Variants in ATG4A observed in about 807,000 individuals in gnomAD.
ATG4A encodes the protein cysteine protease ATG4A.
ATG4A carries 22 observed loss-of-function variants against 38.4 expected under a neutral mutation model. The observed-to-expected ratio is 0.57, with a 90% confidence interval of 0.41 to 0.82. ATG4A has a LOEUF of 0.82. Among genes scored for constraint, ATG4A ranks in the 40% least tolerant of loss-of-function variants. The pLI is 0.00. For missense variants in ATG4A, 220 were observed against 290.0 expected, an observed-to-expected ratio of 0.76 and a Z score of 1.75; for synonymous variants, 86 against 100.7, an observed-to-expected ratio of 0.85 and a Z score of 0.88.
At chrX:108,138,575 G>T (rs993463842) in intron 9 of ATG4A, among the ~76,000 whole-genome samples, 3 of 111,944 alleles carry the variant, frequency 2.7e-5, no homozygotes, top group Non-Finnish European at 5.6e-5. Context: ...ATTGTTCAGA[G>T]CTGTGACAGG....
At position 108,151,795 on chromosome X, in the gene ATG4A, C is replaced by T; in HGVS notation, c.961-7C>T. The stretch of plus-strand genomic sequence containing the variant: ...TTCTAAGTTGTGTTCTTTTGCTTTC[C>T]CCCAAGGGATTTTTCTGCAAAGAAG... On this transcript the variant is annotated splice_polypyrimidine_tract_variant and splice_region_variant and intron_variant, in intron 10 of 12. Coordinates refer to ENST00000372232, the MANE Select transcript of ATG4A (RefSeq NM_052936.5). 8.3e-7 allele frequency: 1 copy of T among 1,207,035 alleles called. No individual in the cohort carries two copies. The highest frequency in any genetic ancestry group is 1.1e-6 in the Non-Finnish European group (1 of 892,022).
chrX:108,146,055 C>A (rs773513394), intron 9 of ATG4A, among the ~76,000 whole-genome samples: 28 of 111,828 alleles, frequency 2.5e-4, no homozygotes, highest in Non-Finnish European at 1.1e-4. Flanking sequence ...TGCACAGTTA[C>A]CCTGCTAAAA....
chrX:108,134,958 G>A (rs1456176269), intron 6 of ATG4A, among the ~76,000 whole-genome samples: 1 of 112,060 alleles, frequency 8.9e-6, no homozygotes, highest in Non-Finnish European at 1.9e-5. Context: ...CTTGGAATCA[G>A]TTTGTCATCT....
chrX:108,113,660 C>A lies in ATG4A; in HGVS notation c.11-12417C>A, dbSNP rs779403730. Among the ~76,000 whole-genome samples the A allele has an allele frequency of 5.4e-5, 6 of 111,143 alleles. No homozygotes were observed. In the South Asian group the frequency reaches 1.6e-3, roughly 29 times the overall value. On this transcript the variant is annotated intron_variant, in intron 1 of 12. Transcript: ENST00000372232. Reference sequence around the variant, plus strand: ...TATAGTTCCACATGGCTGGGGAGGTCTCAGAATCATGGCAGGAGGCAAAAG... The same window carrying A: ...TATAGTTCCACATGGCTGGGGAGGTATCAGAATCATGGCAGGAGGCAAAAG...
At chrX:108,090,270 G>A (rs990985918), upstream of ATG4A, among the ~76,000 whole-genome samples, 1 of 111,804 alleles carries the variant, frequency 8.9e-6, no homozygotes, top group Non-Finnish European at 1.9e-5. Flanking sequence ...TCTCCCAAAT[G>A]TCTTTTTGCA....
At chrX:108,113,379 C>T (rs754122097) in intron 1 of ATG4A, among the ~76,000 whole-genome samples, 2 of 111,310 alleles carry the variant, frequency 1.8e-5, no homozygotes, top group Admixed American at 1.9e-4. Flanking sequence ...AAGACACTGT[C>T]CATTGGGGGG....
At chrX:108,140,489 T>G (rs2033207793) in intron 9 of ATG4A, among the ~76,000 whole-genome samples, 1 of 108,470 alleles carries the variant, frequency 9.2e-6, no homozygotes, top group African/African-American at 3.4e-5. Flanking sequence ...TGCCATTTTC[T>G]AAATAGTTGT....
chrX:108,100,049 A>G (rs2031954920), intron 1 of ATG4A, among the ~76,000 whole-genome samples: 1 of 111,672 alleles, frequency 9.0e-6, no homozygotes, highest in African/African-American at 3.2e-5. Flanking sequence ...TTTGGGGAAA[A>G]CTGACATCTT....
Position 108,150,144 on chromosome X carries a change from C to T in ATG4A, c.815-8C>T. The T allele has an allele frequency of 8.3e-7, 1 of 1,211,000 alleles. No homozygotes were observed. The highest frequency in any genetic ancestry group is 1.1e-6 in the Non-Finnish European group (1 of 894,996). On this transcript the variant is annotated splice_region_variant and splice_polypyrimidine_tract_variant and intron_variant, in intron 9 of 12. Coordinates refer to ENST00000372232, the MANE Select transcript of ATG4A (RefSeq NM_052936.5). ...CTTTGAAGGTTAAGCATATCTCCTTCAAAACAGGTGACGAGCTCATCTTCT... is the reference window on the plus strand; with the variant it reads ...CTTTGAAGGTTAAGCATATCTCCTTTAAAACAGGTGACGAGCTCATCTTCT...
chrX:108,128,700 TTAAG>T (rs1424743624), intron 2 of ATG4A, 77 bp from the exon 3 acceptor site: 19 of 612,442 alleles, frequency 3.1e-5, no homozygotes, highest in Non-Finnish European at 4.2e-5. Flanking sequence ...TTATTTGAAA[TTAAG>T]TTAGTAGCTG....
At chrX:108,115,305 G>A (rs748291642) in intron 1 of ATG4A, among the ~76,000 whole-genome samples, 1 of 111,134 alleles carries the variant, frequency 9.0e-6, no homozygotes, top group South Asian at 3.8e-4. Context: ...CTTACCAGCA[G>A]TAAAATGCAC....
At position 108,129,602 on chromosome X, in the gene ATG4A, G is replaced by A. The variant is rs761894429; in HGVS notation, c.193+750G>A. On this transcript the variant is annotated intron_variant, in intron 3 of 12. Coordinates refer to ENST00000372232, the MANE Select transcript of ATG4A (RefSeq NM_052936.5). Reference sequence around the variant, plus strand: ...TTTTTTTTTTTTGAGACGGAGTCTCGCACTGTCACCCAGGCTGCAGTGCAG... The same window carrying A: ...TTTTTTTTTTTTGAGACGGAGTCTCACACTGTCACCCAGGCTGCAGTGCAG... Among the ~76,000 whole-genome samples, 10 of 94,505 alleles carry A rather than the reference G, an allele frequency of 1.1e-4. No individual in the cohort carries two copies. The East Asian group carries it at 3.3e-3, about 31-fold the overall frequency. 82.1% of individuals were successfully genotyped at this position (94,505 alleles called of 115,157 possible).
At chrX:108,133,729 C>T (rs768393612) in intron 4 of ATG4A, among the ~76,000 whole-genome samples, 18 of 112,261 alleles carry the variant, frequency 1.6e-4, no homozygotes, top group African/African-American at 5.2e-4. Context: ...GTGGTGACCT[C>T]CTGTTCACTG....
At chrX:108,139,538 G>A (rs2033185398) in intron 9 of ATG4A, among the ~76,000 whole-genome samples, 1 of 112,414 alleles carries the variant, frequency 8.9e-6, no homozygotes, top group Admixed American at 9.4e-5. Context: ...TCTATTGGTT[G>A]AGCCCAAGAA....
chrX:108,141,001 T>TATATATACGTATATATACAC (rs2033243989), intron 9 of ATG4A, among the ~76,000 whole-genome samples: 1 of 80,569 alleles, frequency 1.2e-5, no homozygotes, highest in East Asian at 3.2e-4. Flanking sequence ...TATATATACA[T>TATATATACGTATATATACAC]ATATATACGT....
At chrX:108,109,496 T>C (rs2032292760) in intron 1 of ATG4A, among the ~76,000 whole-genome samples, 1 of 112,435 alleles carries the variant, frequency 8.9e-6, no homozygotes, top group African/African-American at 3.2e-5. Context: ...CCCATTTGTC[T>C]ATTTTTGTTC....
chrX:108,135,541 C>A (rs922782029), intron 6 of ATG4A, among the ~76,000 whole-genome samples: 4 of 111,598 alleles, frequency 3.6e-5, no homozygotes, highest in South Asian at 3.8e-4. Flanking sequence ...AACAATGTAA[C>A]CTCTCTGAGG....
At chrX:108,110,749 A>T (rs188654006) in intron 1 of ATG4A, among the ~76,000 whole-genome samples, 1 of 112,497 alleles carries the variant, frequency 8.9e-6, no homozygotes, top group East Asian at 2.8e-4. Context: ...TATTTCTGCA[A>T]AAGTGTTAGG....
chrX:108,129,735 T>C (rs1338928580), intron 3 of ATG4A, among the ~76,000 whole-genome samples: 1 of 109,745 alleles, frequency 9.1e-6, no homozygotes, highest in African/African-American at 3.3e-5. Context: ...CACGCCCGGC[T>C]AATTTTTTGT....
Sources: gnomAD v4.1 joint callset for allele counts (sites outside exome capture counted in the v4.1 genomes callset) on GRCh38, gnomAD v4.1.1 for gene constraint, MANE v1.5 for transcripts, NCBI Gene and HGNC (gene_info 2026-07-23, HGNC 2026-07-21) for gene names.